The following SASS6 variants were observed in gnomAD, a reference collection of about 807,000 sequenced individuals.
SASS6 encodes spindle assembly abnormal protein 6 homolog.
Under a neutral mutation model 94.9 loss-of-function variants are expected in SASS6, and 59 were observed. That is an observed-to-expected ratio of 0.62 (90% CI 0.50 to 0.77). SASS6 has a LOEUF of 0.77. Ranked by LOEUF, SASS6 falls within the 30% of genes least tolerant of loss-of-function variation. SASS6 has a pLI of 0.00. For synonymous variants in SASS6, 264 were observed against 270.0 expected (o/e 0.98, Z 0.22); for missense variants, 698 against 734.1 (o/e 0.95, Z 0.57).
chr1:100,102,818 A>G, intron 14 of SASS6, 137 bp downstream of exon 14: 1 of 632,350 alleles, frequency 1.6e-6, no homozygotes, highest in East Asian at 2.7e-5. Context: ...GATATTCAGT[A>G]ATGTATTTAT....
chr1:100,107,564 G>T lies in SASS6; in HGVS notation c.1147-11C>A. The T allele has an allele frequency of 6.3e-7, 1 of 1,578,888 alleles. No homozygotes were observed. The highest frequency in any genetic ancestry group is 8.6e-7 in the Non-Finnish European group (1 of 1,157,290). ...GATAATTTCATTTGCCTATAAAAGAGCTTCATATGTATATTTCTATGTAAT... is the reference window on the plus strand; with the variant it reads ...GATAATTTCATTTGCCTATAAAAGATCTTCATATGTATATTTCTATGTAAT... On this transcript the variant is annotated splice_polypyrimidine_tract_variant and intron_variant, in intron 10 of 16. Coordinates refer to ENST00000287482, the MANE Select transcript of SASS6 (RefSeq NM_194292.3).
In SASS6 at chr1:100,107,569, A is replaced by T; in HGVS notation, c.1147-16T>A. On this transcript the variant is annotated splice_polypyrimidine_tract_variant and intron_variant, in intron 10 of 16. Coordinates refer to ENST00000287482, the MANE Select transcript of SASS6 (RefSeq NM_194292.3). ...TTTCATTTGCCTATAAAAGAGCTTC[A>T]TATGTATATTTCTATGTAATTTAAT... 1 of 1,577,348 alleles carries T rather than the reference A, an allele frequency of 6.3e-7. No individual in the cohort carries two copies. Among genetic ancestry groups the T allele is most frequent in the South Asian group, 1.2e-5 (1 of 86,768 alleles).
In SASS6 at chr1:100,103,012, A is replaced by G. The variant is rs772683131; in HGVS notation, c.1617T>C (p.Asn539=). 7 of 1,610,262 alleles carry G rather than the reference A, an allele frequency of 4.3e-6. No homozygotes were observed. Among genetic ancestry groups the G allele is most frequent in the Non-Finnish European group, 5.9e-6 (7 of 1,176,634 alleles). ...TGGCAGATATCGAATGAGGGAAGGT[A>G]TTCTGGAATGCAAATGCAGAGGAGA... is the stretch of plus-strand genomic sequence containing the variant. The part of the protein sequence containing the change: ...YPVSSAFAFQ[N]TFPHSISAKN... Residue 539 remains asparagine, a synonymous_variant, in exon 14 of 17, where the codon AAT becomes AAC. Transcript: ENST00000287482.
intron 5 of SASS6, 47 bp downstream of exon 5, chr1:100,121,331 C>A: frequency 9.0e-7 from 1 of 1,109,366 alleles, no homozygotes; most frequent in Non-Finnish European, 1.3e-6. Flanking sequence ...TATCAAAGAC[C>A]ATTGATACTT....
chr1:100,119,687 C>G (rs1389583409), intron 6 of SASS6, among the ~76,000 whole-genome samples: 1 of 152,174 alleles, frequency 6.6e-6, no homozygotes, highest in Non-Finnish European at 1.5e-5. Context: ...TCAGTTAGTT[C>G]ATATGAGATC....
intron 7 of SASS6, among the ~76,000 whole-genome samples, chr1:100,116,366 T>A (rs1245329324): frequency 2.0e-5 from 3 of 152,168 alleles, no homozygotes; most frequent in African/African-American, 7.2e-5. Flanking sequence ...AATATTCAAG[T>A]GATAAATATG....
At chr1:100,122,551 T>TTA in intron 3 of SASS6, 67 bp from the exon 4 acceptor site, 2 of 291,474 alleles carry the variant, frequency 6.9e-6, no homozygotes, top group Non-Finnish European at 1.2e-5. Flanking sequence ...TTTGGTGCCT[T>TTA]TTTTTTTTTT....
intron 14 of SASS6, among the ~76,000 whole-genome samples, chr1:100,098,603 A>ATT (rs1250172912): frequency 6.6e-6 from 1 of 152,182 alleles, no homozygotes; most frequent in Non-Finnish European, 1.5e-5. Flanking sequence ...CTATAAATCT[A>ATT]TTAGTACCAG....
chr1:100,123,336 T>C (rs146735776), intron 2 of SASS6, 47 bp from the exon 3 acceptor site: 3 of 856,314 alleles, frequency 3.5e-6, no homozygotes, highest in Admixed American at 4.7e-5. Context: ...AGATCTGGCC[T>C]TTTGAGTAAT....
At chr1:100,085,703 C>CAT in intron 15 of SASS6, 73 bp from the exon 16 acceptor site, 2 of 826,374 alleles carry the variant, frequency 2.4e-6, no homozygotes, top group African/African-American at 1.7e-5. Flanking sequence ...CATATGTATA[C>CAT]ATATATATAA....
At chr1:100,125,777 G>T in intron 2 of SASS6, 105 bp downstream of exon 2, 11 of 692,156 alleles carry the variant, frequency 1.6e-5, no homozygotes, top group East Asian at 8.8e-5. Context: ...AGCCTAAAAT[G>T]TAAAAGCAAA....
At chr1:100,106,348 TAC>T (rs1366157754) in intron 12 of SASS6, among the ~76,000 whole-genome samples, 1 of 152,200 alleles carries the variant, frequency 6.6e-6, no homozygotes, top group African/African-American at 2.4e-5. Context: ...AACAATAAAT[TAC>T]AGTCAACATT....
chr1:100,092,984 G>A (rs1651844638), intron 14 of SASS6, among the ~76,000 whole-genome samples: 1 of 151,982 alleles, frequency 6.6e-6, no homozygotes, highest in African/African-American at 2.4e-5. Flanking sequence ...AAAACATAAG[G>A]GGGGAAAAGG....
Position 100,107,406 on chromosome 1 carries a change from C to A in SASS6, c.1294G>T (p.Val432Phe). The A allele has an allele frequency of 6.2e-7, 1 of 1,609,280 alleles. No individual in the cohort carries two copies. The highest frequency in any genetic ancestry group is 8.5e-7 in the Non-Finnish European group (1 of 1,176,752). The part of the protein sequence containing the change: ...LQKEQKELQD[V>F]GQSLRIKEQE... ...TCTTTAATTCGAAGAGACTGTCCAA[C>A]ATCTTGTAATTCCTTTTGTTCCTTT... Residue 432 changes from valine to phenylalanine, a missense_variant, in exon 11 of 17, where the codon GTT becomes TTT. Physicochemically the swap from Val to Phe is conservative, Grantham distance 50. Transcript: ENST00000287482.
chr1:100,094,953 C>T (rs1460018676), intron 14 of SASS6, among the ~76,000 whole-genome samples: 1 of 151,400 alleles, frequency 6.6e-6, no homozygotes, highest in Non-Finnish European at 1.5e-5. Context: ...TGAAGTTTAT[C>T]CCAAGAATGA....
intron 14 of SASS6, among the ~76,000 whole-genome samples, chr1:100,095,736 G>T (rs1170953318): frequency 6.6e-6 from 1 of 151,962 alleles, no homozygotes; most frequent in Non-Finnish European, 1.5e-5. Context: ...CAAGATACAA[G>T]ATCAACATAC....
intron 1 of SASS6, among the ~76,000 whole-genome samples, chr1:100,131,989 AAAGT>A (rs57169801): frequency 0.041 from 6,261 of 152,266 alleles, 311 homozygotes; most frequent in African/African-American, 0.11. Context: ...TGAGAAAAAA[AAAGT>A]AAGTCTCCTG....
intron 1 of SASS6, among the ~76,000 whole-genome samples, chr1:100,131,923 A>G (rs1655066656): frequency 6.6e-6 from 1 of 152,240 alleles, no homozygotes; most frequent in Non-Finnish European, 1.5e-5. Context: ...TATCAGTTTT[A>G]CAAATGAGGA....
chr1:100,105,552 A>C (rs976751792), intron 13 of SASS6, among the ~76,000 whole-genome samples: 4 of 152,032 alleles, frequency 2.6e-5, no homozygotes, highest in Non-Finnish European at 4.4e-5. Flanking sequence ...CAAAACAAAA[A>C]AAAGAAATGT....
Sources: gnomAD v4.1 joint callset for allele counts (sites outside exome capture counted in the v4.1 genomes callset) on GRCh38, gnomAD v4.1.1 for gene constraint, MANE v1.5 for transcripts, NCBI Gene and HGNC (gene_info 2026-07-23, HGNC 2026-07-21) for gene names.